The following ABCA4 variants were observed in gnomAD, a reference collection of about 807,000 sequenced individuals.
ABCA4 encodes ATP binding cassette subfamily A member 4.
ABCA4 carries 196 observed loss-of-function variants against 263.7 expected under a neutral mutation model. The ratio of observed to expected loss-of-function variants is 0.74; its 90% confidence interval spans 0.66 to 0.84. The LOEUF is 0.84. ABCA4 is among the 40% of genes least tolerant of loss of function. The probability of loss-of-function intolerance (pLI) is 0.00; values close to 1 mark genes in which losing one functional copy is unlikely to be tolerated. For missense variants in ABCA4, 2,792 were observed against 2,855.1 expected, an observed-to-expected ratio of 0.98 and a Z score of 0.50; for synonymous variants, 1,133 against 1,094.2, an observed-to-expected ratio of 1.04 and a Z score of -0.70.
chr1:94,097,758 T>TTG (rs907428801), intron 6 of ABCA4, among the ~76,000 whole-genome samples: 4 of 152,302 alleles, frequency 2.6e-5, no homozygotes, highest in Admixed American at 2.0e-4. Context: ...TTTGTTTGTT[T>TTG]GTTTTTATTG....
At chr1:94,044,365 C>A (rs139683886) in intron 20 of ABCA4, among the ~76,000 whole-genome samples, 4 of 152,188 alleles carry the variant, frequency 2.6e-5, no homozygotes, top group Admixed American at 2.0e-4. Flanking sequence ...TCTGTCAGAG[C>A]GAAGGCAGCC....
At chr1:94,097,843 G>A (rs377293901) in intron 6 of ABCA4, among the ~76,000 whole-genome samples, 16 of 152,138 alleles carry the variant, frequency 1.1e-4, no homozygotes, top group African/African-American at 3.1e-4. Flanking sequence ...TCCGCCTCCC[G>A]GGTTCACGCC....
intron 20 of ABCA4, 78 bp from the exon 21 acceptor site, chr1:94,043,553 G>A (rs1570373557): frequency 1.9e-6 from 3 of 1,577,596 alleles, no homozygotes; most frequent in Non-Finnish European, 2.6e-6. Flanking sequence ...AAATAATTGA[G>A]GACAAGTATT....
At chr1:94,011,976 A>T (rs528619320) in intron 38 of ABCA4, among the ~76,000 whole-genome samples, 132 of 152,308 alleles carry the variant, frequency 8.7e-4, no homozygotes, top group African/African-American at 2.9e-3. Flanking sequence ...TTGTCTAGGG[A>T]GAGGAGGGTT....
chr1:94,105,015 G>A (rs182781114), intron 4 of ABCA4, among the ~76,000 whole-genome samples: 15 of 152,012 alleles, frequency 9.9e-5, no homozygotes, highest in East Asian at 3.9e-4. Context: ...ACATGCACAC[G>A]CACGCATATG....
At chr1:94,085,792 G>A (rs1427647187) in intron 6 of ABCA4, among the ~76,000 whole-genome samples, 1 of 152,186 alleles carries the variant, frequency 6.6e-6, no homozygotes, top group Non-Finnish European at 1.5e-5. Flanking sequence ...TCACACGTCA[G>A]CTGTCTCCTG....
intron 6 of ABCA4, among the ~76,000 whole-genome samples, chr1:94,098,101 TAC>T (rs1662180014): frequency 6.6e-6 from 1 of 152,338 alleles, no homozygotes; most frequent in East Asian, 1.9e-4. Flanking sequence ...ACCTCTGCTC[TAC>T]ACCTCCTTTA....
chr1:94,045,264 C>T (rs1660643026), intron 19 of ABCA4, among the ~76,000 whole-genome samples: 1 of 151,690 alleles, frequency 6.6e-6, no homozygotes, highest in Non-Finnish European at 1.5e-5. Context: ...GGAATTACCA[C>T]CACCAATATT....
intron 6 of ABCA4, among the ~76,000 whole-genome samples, chr1:94,088,170 G>C (rs999570263): frequency 1.3e-5 from 2 of 152,120 alleles, no homozygotes; most frequent in African/African-American, 4.8e-5. Context: ...AAGTCTAGTG[G>C]ACATTTTTGC....
At chr1:94,025,178 T>G (rs1440954354) in intron 30 of ABCA4, 130 bp from the exon 31 acceptor site, 15 of 783,354 alleles carry the variant, frequency 1.9e-5, no homozygotes, top group Non-Finnish European at 3.4e-5. Flanking sequence ...AATAAAGTAC[T>G]GGCATCTCCC....
At chr1:94,119,198 T>C (rs1341425541) in intron 1 of ABCA4, among the ~76,000 whole-genome samples, 2 of 151,996 alleles carry the variant, frequency 1.3e-5, no homozygotes, top group Non-Finnish European at 2.9e-5. Flanking sequence ...TTTATCAGGA[T>C]TTTCATGCAA....
chr1:94,053,793 C>T (rs1401832075), intron 16 of ABCA4, among the ~76,000 whole-genome samples: 1 of 152,232 alleles, frequency 6.6e-6, no homozygotes, highest in Non-Finnish European at 1.5e-5. Flanking sequence ...TTTGTTATGG[C>T]AGCCCTAGTA....
chr1:94,033,000 C>G (rs1328727027), intron 26 of ABCA4, among the ~76,000 whole-genome samples: 1 of 152,020 alleles, frequency 6.6e-6, no homozygotes, highest in East Asian at 1.9e-4. Flanking sequence ...TTAGAGGATA[C>G]TGAGAAGTGG....
intron 14 of ABCA4, among the ~76,000 whole-genome samples, chr1:94,057,777 A>G (rs929821127): frequency 4.6e-5 from 7 of 152,246 alleles, no homozygotes; most frequent in African/African-American, 1.7e-4. Context: ...CAATTACACT[A>G]TAGGATAAAC....
rs777817302 is a variant in ABCA4, at chr1:94,037,134, C to G, written c.3813+11G>C. 4 of 1,613,522 alleles carry G rather than the reference C, an allele frequency of 2.5e-6. No individual in the cohort carries two copies. The highest frequency in any genetic ancestry group is 1.1e-5 in the South Asian group (1 of 91,066). ...GCACTTGACAGAAACCAGCTGGAAT[C>G]TCTACTTTACCTCTTCCAGGGGAGT... On this transcript the variant is annotated intron_variant, in intron 25 of 49. Coordinates refer to ENST00000370225, the MANE Select transcript of ABCA4 (RefSeq NM_000350.3).
At chr1:94,074,086 G>T (rs1008671314) in intron 11 of ABCA4, among the ~76,000 whole-genome samples, 1 of 152,204 alleles carries the variant, frequency 6.6e-6, no homozygotes, top group African/African-American at 2.4e-5. Context: ...CTGTAAACAT[G>T]CAGATAACCA....
At chr1:94,069,695 A>G (rs1204641189) in intron 11 of ABCA4, among the ~76,000 whole-genome samples, 1 of 152,228 alleles carries the variant, frequency 6.6e-6, no homozygotes, top group Non-Finnish European at 1.5e-5. Flanking sequence ...TTCCCACTAC[A>G]TGGAAAAATC....
At chr1:94,098,602 AG>A (rs1277374205) in intron 6 of ABCA4, among the ~76,000 whole-genome samples, 191 bp downstream of exon 6, 33 of 152,152 alleles carry the variant, frequency 2.2e-4, no homozygotes, top group African/African-American at 7.0e-4. Flanking sequence ...TGAACCTCAT[AG>A]TGACTTCTGG....
intron 1 of ABCA4, among the ~76,000 whole-genome samples, chr1:94,117,279 A>G (rs2101180909): frequency 6.6e-6 from 1 of 152,228 alleles, no homozygotes. Flanking sequence ...TTCTGCACTG[A>G]GAACCAGGAC....
Sources: gnomAD v4.1 joint callset for allele counts (sites outside exome capture counted in the v4.1 genomes callset) on GRCh38, gnomAD v4.1.1 for gene constraint, MANE v1.5 for transcripts, NCBI Gene and HGNC (gene_info 2026-07-23, HGNC 2026-07-21) for gene names.